Variants in RICTOR observed in about 807,000 individuals in gnomAD.
The protein encoded by RICTOR is RPTOR independent companion of MTOR complex 2.
Under a neutral mutation model 214.9 loss-of-function variants are expected in RICTOR, and 49 were observed. The ratio of observed to expected loss-of-function variants is 0.23; its 90% CI spans 0.18 to 0.29. RICTOR has a LOEUF of 0.29. Ranked by LOEUF, RICTOR falls within the 10% of genes least tolerant of loss-of-function variation. The pLI, the probability that RICTOR is intolerant of heterozygous loss-of-function variation, is 1.00. For missense variants in RICTOR, 1,625 were observed against 2,047.0 expected (o/e 0.79, Z 3.98); for synonymous variants, 717 against 711.3 (o/e 1.01, Z -0.13).
intron 7 of RICTOR, among the ~76,000 whole-genome samples, chr5:38,982,641 C>G (rs144171487): frequency 6.6e-6 from 1 of 152,174 alleles, no homozygotes; most frequent in Non-Finnish European, 1.5e-5. Context: ...TCCTGGGATG[C>G]TTCCCAAACT....
At chr5:39,000,403 T>G (rs1458573316) in intron 5 of RICTOR, among the ~76,000 whole-genome samples, 1 of 151,900 alleles carries the variant, frequency 6.6e-6, no homozygotes, top group Non-Finnish European at 1.5e-5. Flanking sequence ...TGAACATAGG[T>G]GCAAAAATCT....
At position 38,981,774 on chromosome 5, in the gene RICTOR, G is replaced by T; in HGVS notation, c.753+93C>A. 4 of 784,184 alleles carry T rather than the reference G, an allele frequency of 5.1e-6. No homozygotes were observed. The South Asian group carries it at 7.8e-5, about 15-fold the overall frequency. The allele number at this position is 784,184 out of a possible 1,614,324, so 48.6% of individuals were successfully genotyped here. A position where few individuals can be genotyped will look rare whatever the true frequency, so the allele number is the denominator to read the frequency against. The stretch of plus-strand genomic sequence containing the variant: ...GGCTAATTTAGGCTTGATAATTAAT[G>T]TGGTGCTGCATCTATAAAATTTAGT... On this transcript the variant is annotated intron_variant, in intron 8 of 37. Coordinates refer to ENST00000357387, the MANE Select transcript of RICTOR (RefSeq NM_152756.5).
chr5:38,961,216 G>T (rs1284010339), intron 19 of RICTOR, among the ~76,000 whole-genome samples: 1 of 152,034 alleles, frequency 6.6e-6, no homozygotes, highest in African/African-American at 2.4e-5. Context: ...GGAGAAGAAA[G>T]ATGCTAGATG....
intron 2 of RICTOR, among the ~76,000 whole-genome samples, chr5:39,043,544 T>C (rs1212781676): frequency 6.6e-6 from 1 of 152,312 alleles, no homozygotes; most frequent in African/African-American, 2.4e-5. Context: ...TGTTCTCTTG[T>C]GCAGTAGGGT....
intron 19 of RICTOR, 111 bp from the exon 20 acceptor site, chr5:38,960,644 C>A: frequency 1.8e-6 from 2 of 1,094,350 alleles, no homozygotes; most frequent in South Asian, 3.0e-5. Context: ...TGGGTCTGAA[C>A]CATTGGGATA....
Position 38,949,715 on chromosome 5 carries a change from C to T in RICTOR, c.4133G>A (p.Ser1378Asn), listed in dbSNP as rs747870857. 13 of 1,610,966 alleles carry T rather than the reference C, an allele frequency of 8.1e-6. No homozygotes were observed. The highest frequency in any genetic ancestry group is 1.7e-4 in the Middle Eastern group (1 of 6,060). ...ANSFESRLTP[S>N]RFMKALSYAS... ...TTCTAAACATATATTTGCTTACCTG[C>T]TTGGTGTTAATCTGGACTCAAAACT... Residue 1378 changes from serine (S) to asparagine (N), a missense_variant, in exon 31 of 38, where the codon AGC becomes AAC. Ser to Asn is a conservative substitution (Grantham distance 46, BLOSUM62 1). This residue lies in a region of RICTOR where 1,214 missense variants were observed against 1,470.5 expected (regional missense o/e 0.83). Transcript: ENST00000357387.
At chr5:39,034,719 T>C (rs1756536710) in intron 2 of RICTOR, among the ~76,000 whole-genome samples, 1 of 152,224 alleles carries the variant, frequency 6.6e-6, no homozygotes, top group Admixed American at 6.5e-5. Context: ...CACTCATTGC[T>C]AGCACAGCAG....
At position 38,957,703 on chromosome 5, in the gene RICTOR, G is replaced by T; in HGVS notation, c.2448C>A (p.Ser816=). 6.3e-7 allele frequency: 1 copy of T among 1,589,994 alleles called. No homozygotes were observed. Among genetic ancestry groups the T allele is most frequent in the East Asian group, 2.3e-5 (1 of 43,872 alleles). The stretch of plus-strand genomic sequence containing the variant: ...CTACATAACCTCTTTCATTCAGATA[G>T]GAAAATCCTTTTGGAATGGAGAGAA... ...LRFLSIPKGF[S]YLNERGYVAK... is the part of the protein sequence containing the mutation. The change falls in exon 25 of 38, where the codon TCC becomes TCA. Residue 816 remains serine, a synonymous_variant. Transcript: ENST00000357387.
chr5:38,975,000 T>C (rs1465029267), intron 10 of RICTOR, among the ~76,000 whole-genome samples: 1 of 152,198 alleles, frequency 6.6e-6, no homozygotes, highest in Non-Finnish European at 1.5e-5. Context: ...GCCATTACTC[T>C]CAATTACTCT....
chr5:38,949,463 T>A, intron 31 of RICTOR: 2 of 1,519,308 alleles, frequency 1.3e-6, no homozygotes, highest in Non-Finnish European at 1.8e-6. Context: ...AAAAAGCTTG[T>A]GACTTGTATG....
At chr5:38,951,944 T>G (rs1203042844) in intron 30 of RICTOR, among the ~76,000 whole-genome samples, 1 of 151,994 alleles carries the variant, frequency 6.6e-6, no homozygotes, top group Non-Finnish European at 1.5e-5. Context: ...CTGGTTCTTC[T>G]GGCACATGGC....
At chr5:38,980,971 T>C (rs1751673090) in intron 8 of RICTOR, 1 of 152,168 alleles carries the variant, frequency 6.6e-6, no homozygotes, top group African/African-American at 2.4e-5. Context: ...TTATAAAATA[T>C]CAACAGTGCC....
At chr5:39,006,375 T>A (rs1219211116) in intron 3 of RICTOR, among the ~76,000 whole-genome samples, 4 of 152,176 alleles carry the variant, frequency 2.6e-5, no homozygotes, top group Non-Finnish European at 4.4e-5. Context: ...AATTGACTTT[T>A]ACCTAAAAGT....
chr5:38,944,599 T>C (rs950264079), intron 35 of RICTOR, 30 bp from the exon 36 acceptor site: 1 of 1,541,284 alleles, frequency 6.5e-7, no homozygotes, highest in Non-Finnish European at 8.8e-7. Context: ...AAGTTAAATA[T>C]TATCTATGTC....
chr5:38,982,214 C>T (rs1022163141), intron 7 of RICTOR, among the ~76,000 whole-genome samples, 178 bp from the exon 8 acceptor site: 3 of 152,100 alleles, frequency 2.0e-5, no homozygotes, highest in Non-Finnish European at 2.9e-5. Flanking sequence ...TATACTTCCC[C>T]ACAACCTGAT....
chr5:38,961,107 C>CAA (rs373078252), intron 19 of RICTOR, among the ~76,000 whole-genome samples: 1 of 150,054 alleles, frequency 6.7e-6, no homozygotes, highest in Non-Finnish European at 1.5e-5. Context: ...CATTTCATAC[C>CAA]AAAAAAAACC....
chr5:38,970,161 T>A (rs536727121), intron 11 of RICTOR: 1 of 152,166 alleles, frequency 6.6e-6, no homozygotes, highest in Admixed American at 6.5e-5. Context: ...TAGGTCTGTG[T>A]AAGTACTCTG....
chr5:39,006,277 T>G (rs916322938), intron 3 of RICTOR, among the ~76,000 whole-genome samples: 3 of 152,188 alleles, frequency 2.0e-5, no homozygotes, highest in Non-Finnish European at 4.4e-5. Flanking sequence ...GTTTTCCTAG[T>G]TTTCATTGAG....
intron 2 of RICTOR, chr5:39,022,653 T>C (rs1388600357): frequency 6.6e-6 from 1 of 152,494 alleles, no homozygotes; most frequent in Non-Finnish European, 1.5e-5. Context: ...AGCCAGGTGG[T>C]GGACTATTTG....
Sources: allele counts gnomAD v4.1 joint callset (sites outside exome capture counted in the v4.1 genomes callset), GRCh38; gene constraint gnomAD v4.1.1; regional missense constraint gnomAD v4.1.1; transcripts MANE v1.5; gene names NCBI Gene and HGNC (gene_info 2026-07-23, HGNC 2026-07-21).